Variants in PCDHGB4 observed in about 807,000 individuals in gnomAD.
The protein encoded by PCDHGB4 is protocadherin gamma subfamily B, 4.
In PCDHGB4, 38 loss-of-function variants were observed where a neutral mutation model predicts 60.5. The observed-to-expected ratio is 0.63, with a 90% CI of 0.48 to 0.82. The LOEUF is 0.82. Ranked by LOEUF, PCDHGB4 falls within the 40% of genes least tolerant of loss-of-function variation. The pLI, the probability that PCDHGB4 is intolerant of heterozygous loss-of-function variation, is 0.00. For synonymous variants in PCDHGB4, 456 were observed against 509.7 expected (o/e 0.89, Z 1.42); for missense variants, 1,109 against 1,209.6 (o/e 0.92, Z 1.23).
Position 141,485,281 on chromosome 5 carries a change from A to G in PCDHGB4, c.2398-9526A>G. 4 of 1,614,156 alleles carry G rather than the reference A, an allele frequency of 2.5e-6. No individual in the cohort carries two copies. In the South Asian group the frequency reaches 3.3e-5, roughly 13 times the overall value. Reference sequence around the variant, plus strand: ...GTGGGCAGATCCGCTACCCGGTCCCAGAGGAGTCACAGGAAGGGACTTTTG... The same window carrying G: ...GTGGGCAGATCCGCTACCCGGTCCCGGAGGAGTCACAGGAAGGGACTTTTG... On this transcript the variant is annotated intron_variant, in intron 1 of 3. Coordinates refer to ENST00000519479, the MANE Select transcript of PCDHGB4 (RefSeq NM_003736.4). The surrounding 1 kb of genome is among the most constrained non-coding windows in gnomAD (Gnocchi z 5.7).
intron 1 of PCDHGB4, among the ~76,000 whole-genome samples, chr5:141,434,742 G>A (rs1177333213): frequency 6.6e-6 from 1 of 151,500 alleles, no homozygotes; most frequent in Non-Finnish European, 1.5e-5. Context: ...TGAAGGCTAT[G>A]AGACCCCTGA....
intron 2 of PCDHGB4, among the ~76,000 whole-genome samples, chr5:141,504,490 TGC>T (rs2099838709): frequency 6.6e-6 from 1 of 152,056 alleles, no homozygotes; most frequent in Non-Finnish European, 1.5e-5. Flanking sequence ...TGGAGGCACC[TGC>T]CCAGTCTGAG....
Position 141,434,784 on chromosome 5 carries a change from AT to A in PCDHGB4, c.2397+44512del, listed in dbSNP as rs201914459. On this transcript the variant is annotated intron_variant, in intron 1 of 3. Transcript: ENST00000519479. The stretch of plus-strand genomic sequence containing the variant: ...ACTTCACACTTCTAAAAAAAAAAAA[AT>A]TTTTTTTTCTGAGCTTGGAGAAATA... Among the ~76,000 whole-genome samples the A allele has an allele frequency of 3.3e-4, 49 of 150,342 alleles. 1 individual carries two copies. Among genetic ancestry groups the A allele is most frequent in the Middle Eastern group, 3.4e-3 (1 of 290 alleles).
chr5:141,400,558 C>A, intron 1 of PCDHGB4: 1 of 1,613,290 alleles, frequency 6.2e-7, no homozygotes, highest in Non-Finnish European at 8.5e-7. Context: ...TTTTTCATTA[C>A]CCACCCAATT....
chr5:141,426,794 G>C (rs1319220934), intron 1 of PCDHGB4: 1 of 456,708 alleles, frequency 2.2e-6, no homozygotes, highest in East Asian at 6.9e-5. Flanking sequence ...AGAGTTACCA[G>C]CTCAGTTCTA....
At chr5:141,441,663 G>A (rs777315226) in intron 1 of PCDHGB4, 20 of 260,482 alleles carry the variant, frequency 7.7e-5, no homozygotes, top group Non-Finnish European at 1.2e-4. Context: ...GTCCTTGAGC[G>A]CACAGTGCGC....
rs777537045 is a variant in PCDHGB4 at position 141,490,191 on chromosome 5, A to T, written c.2398-4616A>T. The T allele has an allele frequency of 6.2e-7, 1 of 1,614,176 alleles. No homozygotes were observed. The highest frequency in any genetic ancestry group is 1.1e-5 in the South Asian group (1 of 91,082). On this transcript the variant is annotated intron_variant, in intron 1 of 3. Coordinates refer to ENST00000519479, the MANE Select transcript of PCDHGB4 (RefSeq NM_003736.4). The surrounding 1 kb of genome is among the most constrained non-coding windows in gnomAD (Gnocchi z 5.4). ...ACTTTGAGGAGTCACGTTTCTATGA[A>T]ATTCATGCAAGAGCCCGTGACCAGG...
intron 1 of PCDHGB4, chr5:141,479,750 G>T: frequency 6.6e-6 from 1 of 152,310 alleles, no homozygotes. Context: ...CAATGTGAAA[G>T]GTAGATAAAT....
chr5:141,482,350 G>A lies in PCDHGB4; in HGVS notation c.2398-12457G>A, dbSNP rs184055854. ...AGAATATCTACTTTGCAAACTTGTT[G>A]TGAGAGTGAAAAGTAATGCATATAA... On this transcript the variant is annotated intron_variant, in intron 1 of 3. Coordinates refer to ENST00000519479, the MANE Select transcript of PCDHGB4 (RefSeq NM_003736.4). Among the ~76,000 whole-genome samples the A allele has an allele frequency of 5.3e-5, 8 of 152,200 alleles. No individual in the cohort carries two copies. In the East Asian group the frequency reaches 1.4e-3, roughly 26 times the overall value.
chr5:141,391,109 T>C (rs1414344509), intron 1 of PCDHGB4: 1 of 152,098 alleles, frequency 6.6e-6, no homozygotes, highest in Non-Finnish European at 1.5e-5. Context: ...TAAACTAATA[T>C]AGCTAGAGGT....
chr5:141,423,699 T>C, intron 1 of PCDHGB4: 1 of 1,469,146 alleles, frequency 6.8e-7, no homozygotes, highest in East Asian at 2.5e-5. Context: ...GTTGGTGTCT[T>C]GGCACAAGTC....
intron 1 of PCDHGB4, among the ~76,000 whole-genome samples, chr5:141,463,632 T>C (rs2099065676): frequency 6.6e-6 from 1 of 151,822 alleles, no homozygotes; most frequent in Admixed American, 6.6e-5. Flanking sequence ...GTATTTTGTT[T>C]AGTAGAGACG....
In PCDHGB4 at chr5:141,512,874, C is replaced by G. The variant is rs2099884476; in HGVS notation, c.*1701C>G. The G allele has an allele frequency of 6.6e-6, 1 of 152,246 alleles. No homozygotes were observed. Among genetic ancestry groups the G allele is most frequent in the Non-Finnish European group, 1.5e-5 (1 of 68,062 alleles). 9.4% of individuals were successfully genotyped at this position (152,246 alleles called of 1,614,324 possible). ...CTTCTCTTCGCATAGTCACGTAGCT[C>G]CCACCCCACCCTCTTCCTGTGTCTC... On this transcript the variant is annotated 3_prime_UTR_variant, in exon 4 of 4. Transcript: ENST00000519479.
intron 1 of PCDHGB4, chr5:141,399,623 C>A: frequency 6.2e-7 from 1 of 1,613,920 alleles, no homozygotes; most frequent in South Asian, 1.1e-5. Context: ...GCACTGGCCT[C>A]TTACGTGTCC....
chr5:141,409,303 C>G, intron 1 of PCDHGB4: 3 of 1,613,922 alleles, frequency 1.9e-6, no homozygotes, highest in South Asian at 2.2e-5. Flanking sequence ...TGGTTGTTGC[C>G]CTCTTCAAAA....
At chr5:141,424,491 G>T (rs2096824224) in intron 1 of PCDHGB4, 1 of 152,122 alleles carries the variant, frequency 6.6e-6, no homozygotes, top group South Asian at 2.1e-4. Context: ...GTCTGTGTTT[G>T]TATGTATGGA....
chr5:141,422,406 T>C, intron 1 of PCDHGB4: 1 of 1,601,224 alleles, frequency 6.2e-7, no homozygotes, highest in South Asian at 1.1e-5. Context: ...ACCTGCCTTT[T>C]AAATTAGAAA....
rs547854431 is a variant in PCDHGB4, at chr5:141,476,383, C to A, written c.2398-18424C>A. 1.2e-6 allele frequency: 2 copies of A among 1,614,102 alleles called. No homozygotes were observed. Among genetic ancestry groups the A allele is most frequent in the African/African-American group, 1.3e-5 (1 of 75,014 alleles). On this transcript the variant is annotated intron_variant, in intron 1 of 3. Transcript: ENST00000519479. The surrounding 1 kb of genome is among the most constrained non-coding windows in gnomAD (Gnocchi z 7.6). ...GGGAGACCGGAGAGATGTTTGTGAA[C>A]GACCGTCTGGATCGAGAGGAGCTGT...
rs762926348 is a variant in PCDHGB4, at chr5:141,408,364, A to C, written c.2397+18083A>C. ...TGGTGGGGAACCTCGCTAAGGATCTAGGGCTCAGTGTCCTGGATGTGTCGG... is the reference window on the plus strand; with the variant it reads ...TGGTGGGGAACCTCGCTAAGGATCTCGGGCTCAGTGTCCTGGATGTGTCGG... On this transcript the variant is annotated intron_variant, in intron 1 of 3. Transcript: ENST00000519479. 3.7e-6 allele frequency: 6 copies of C among 1,613,960 alleles called. No individual in the cohort carries two copies. In the East Asian group the frequency reaches 1.3e-4, roughly 36 times the overall value.
Sources: gnomAD v4.1 joint callset for allele counts (sites outside exome capture counted in the v4.1 genomes callset) on GRCh38, gnomAD v4.1.1 for gene constraint, Gnocchi (gnomAD v3.1) non-coding constraint, MANE v1.5 for transcripts, NCBI Gene and HGNC (gene_info 2026-07-23, HGNC 2026-07-21) for gene names.